The following CYP39A1 variants were observed in gnomAD, a reference collection of about 807,000 sequenced individuals.
CYP39A1 encodes the protein 24-hydroxycholesterol 7-alpha-hydroxylase.
CYP39A1 carries 49 observed loss-of-function variants against 58.1 expected under a neutral mutation model. The ratio of observed to expected loss-of-function variants is 0.84; its 90% CI spans 0.67 to 1.07. The LOEUF is 1.07. Ranked by LOEUF, CYP39A1 falls within the 50% of genes least tolerant of loss-of-function variation. CYP39A1 has a pLI of 0.00. For synonymous variants in CYP39A1, 209 were observed against 187.6 expected (o/e 1.11, Z -0.93); for missense variants, 531 against 539.4 (o/e 0.98, Z 0.16).
At position 46,586,192 on chromosome 6, in the gene CYP39A1, C is replaced by T. The variant is rs75141583; in HGVS notation, c.1250+885G>A. On this transcript the variant is annotated intron_variant, in intron 10 of 11. Coordinates refer to ENST00000275016, the MANE Select transcript of CYP39A1 (RefSeq NM_016593.5). ...GAACGGAAGGATGGAATGGATACTG[C>T]GGAGCAATTAATAACTGCAAATATG... 1,090 of 979,676 alleles carry T rather than the reference C, an allele frequency of 1.1e-3. 8 individuals carry two copies. In the South Asian group the frequency reaches 0.016, roughly 14 times the overall value. The allele number at this position is 979,676 out of a possible 1,614,324, so 60.7% of individuals were successfully genotyped here. A position where few individuals can be genotyped will look rare whatever the true frequency, so the allele number is the denominator to read the frequency against.
intron 8 of CYP39A1, among the ~76,000 whole-genome samples, chr6:46,593,063 A>G (rs545509121): frequency 6.6e-6 from 1 of 152,310 alleles, no homozygotes; most frequent in East Asian, 1.9e-4. Flanking sequence ...ACTGAAATAA[A>G]TGTGAAAACT....
At chr6:46,640,395 A>C in intron 2 of CYP39A1, among the ~76,000 whole-genome samples, 1 of 152,072 alleles carries the variant, frequency 6.6e-6, no homozygotes, top group East Asian at 1.9e-4. Flanking sequence ...GCAAATTTCT[A>C]TTTGTCCTTC....
rs193032498 is a variant in CYP39A1 at position 46,584,807 on chromosome 6, C to T, written c.1250+2270G>A. On this transcript the variant is annotated intron_variant, in intron 10 of 11. Transcript: ENST00000275016. The stretch of plus-strand genomic sequence containing the variant: ...AGCTAAAAGGTCTCCCGCCACTTTC[C>T]CCAGGAAATCTTCTGAGAGCATCTT... 2.6e-3 allele frequency among the ~76,000 whole-genome samples: 393 copies of T among 152,256 alleles called. 2 individuals carry two copies. Among genetic ancestry groups the T allele is most frequent in the African/African-American group, 8.2e-3 (342 of 41,560 alleles).
At chr6:46,638,018 C>A in intron 3 of CYP39A1, 40 bp from the exon 4 acceptor site, 3 of 1,566,382 alleles carry the variant, frequency 1.9e-6, no homozygotes, top group Admixed American at 4.3e-5. Context: ...GACCCGAAGA[C>A]CAAAGAAGAA....
chr6:46,636,933 C>G (rs779641783), intron 4 of CYP39A1, among the ~76,000 whole-genome samples: 9 of 152,202 alleles, frequency 5.9e-5, no homozygotes, highest in Admixed American at 6.5e-5. Flanking sequence ...ATGTCTGTGT[C>G]TCTCCCAAAT....
intron 3 of CYP39A1, 116 bp downstream of exon 3, chr6:46,639,378 C>T (rs1024093186): frequency 4.2e-6 from 4 of 960,270 alleles, no homozygotes; most frequent in Non-Finnish European, 6.3e-6. Context: ...TCTTAATAGC[C>T]TAGTTAGGTA....
At chr6:46,567,720 G>A (rs148626666) in intron 10 of CYP39A1, among the ~76,000 whole-genome samples, 55 of 152,196 alleles carry the variant, frequency 3.6e-4, no homozygotes, top group African/African-American at 1.3e-3. Flanking sequence ...GGTTTTGTTT[G>A]GAATATATAA....
At chr6:46,623,385 T>C (rs551188717) in intron 7 of CYP39A1, among the ~76,000 whole-genome samples, 3 of 152,094 alleles carry the variant, frequency 2.0e-5, no homozygotes, top group Non-Finnish European at 2.9e-5. Context: ...GTTAATTCTA[T>C]ATGTTAACTT....
intron 10 of CYP39A1, among the ~76,000 whole-genome samples, chr6:46,572,385 G>GTCTGGAAAT (rs1283450241): frequency 6.6e-6 from 1 of 152,054 alleles, no homozygotes; most frequent in Non-Finnish European, 1.5e-5. Context: ...AGCTCTGTTT[G>GTCTGGAAAT]TCTGGAAATA....
Position 46,625,482 on chromosome 6 carries a change from GA to G in CYP39A1, c.866del (p.Val289AlafsTer39), listed in dbSNP as rs1318417649. The G allele has an allele frequency of 6.2e-7, 1 of 1,610,586 alleles. No individual in the cohort carries two copies. Among genetic ancestry groups the G allele is most frequent in the Non-Finnish European group, 8.5e-7 (1 of 1,178,260 alleles). ...VPVAFWTLAY[V>X]LSHPDIHKAI... ...CCTTGTGGATATCAGGATGAGAAAG[GA>G]CGTATGCAAGTGTCCAAAATGCAAC... On this transcript the variant is annotated frameshift_variant, in exon 7 of 12. Transcript: ENST00000275016. LOFTEE classifies it high-confidence loss of function.
At chr6:46,578,345 C>A (rs1254707272) in intron 10 of CYP39A1, among the ~76,000 whole-genome samples, 1 of 152,012 alleles carries the variant, frequency 6.6e-6, no homozygotes, top group Non-Finnish European at 1.5e-5. Flanking sequence ...AATTAACAAT[C>A]TAATATCACC....
chr6:46,625,136 C>T (rs1775230258), intron 7 of CYP39A1, among the ~76,000 whole-genome samples: 1 of 152,004 alleles, frequency 6.6e-6, no homozygotes, highest in African/African-American at 2.4e-5. Context: ...ATTAGAAGAA[C>T]AAACAGGTGT....
At chr6:46,630,355 T>C (rs1775579428) in intron 6 of CYP39A1, among the ~76,000 whole-genome samples, 1 of 152,146 alleles carries the variant, frequency 6.6e-6, no homozygotes, top group South Asian at 2.1e-4. Context: ...AACAACTTTG[T>C]AGAGAAATGA....
In CYP39A1 at chr6:46,642,137, A is replaced by G. The variant is rs764181575; in HGVS notation, c.313+26T>C. 2.2e-5 allele frequency: 35 copies of G among 1,611,146 alleles called. No individual in the cohort carries two copies. The East Asian group carries it at 7.8e-4, about 36-fold the overall frequency. ...CCTGGATTCCAATGTTGGATTTCGA[A>G]TGGACTATCTGAAAATATTCTTTAC... On this transcript the variant is annotated intron_variant, in intron 2 of 11. Coordinates refer to ENST00000275016, the MANE Select transcript of CYP39A1 (RefSeq NM_016593.5).
At chr6:46,608,845 C>T (rs894861556) in intron 7 of CYP39A1, among the ~76,000 whole-genome samples, 5 of 151,864 alleles carry the variant, frequency 3.3e-5, no homozygotes, top group Non-Finnish European at 7.4e-5. Flanking sequence ...AACTCCTGAC[C>T]TCAGGTGATC....
intron 6 of CYP39A1, among the ~76,000 whole-genome samples, chr6:46,627,418 ATTTATTTTTT>A (rs953645829): frequency 8.9e-5 from 9 of 100,988 alleles, no homozygotes; most frequent in African/African-American, 3.3e-4. Context: ...ACTTTTATTT[ATTTATTTTTT>A]TTTTTTTTGA....
chr6:46,625,556 A>T (rs1252514962), intron 6 of CYP39A1, 48 bp from the exon 7 acceptor site: 1 of 1,406,912 alleles, frequency 7.1e-7, no homozygotes, highest in East Asian at 2.3e-5. Flanking sequence ...TTTGAAGGTG[A>T]ACAAAAGCAT....
intron 8 of CYP39A1, among the ~76,000 whole-genome samples, chr6:46,590,741 G>A (rs539006509): frequency 1.3e-5 from 2 of 152,090 alleles, no homozygotes; most frequent in African/African-American, 2.4e-5. Flanking sequence ...ATTAATAGGA[G>A]ATATTTTGTT....
At chr6:46,571,982 C>T (rs1194970463) in intron 10 of CYP39A1, among the ~76,000 whole-genome samples, 3 of 152,102 alleles carry the variant, frequency 2.0e-5, no homozygotes, top group Non-Finnish European at 4.4e-5. Flanking sequence ...CAGTACTACA[C>T]TGTACTGCAT....
Sources: gnomAD v4.1 joint callset for allele counts (sites outside exome capture counted in the v4.1 genomes callset) on GRCh38, gnomAD v4.1.1 for gene constraint, MANE v1.5 for transcripts, NCBI Gene and HGNC (gene_info 2026-07-23, HGNC 2026-07-21) for gene names.